Variants in ATE1 observed in about 807,000 individuals in gnomAD.
ATE1 encodes arginyltransferase 1.
In ATE1, 36 loss-of-function variants were observed where a neutral mutation model predicts 70.5. The observed-to-expected ratio is 0.51, with a 90% CI of 0.39 to 0.67. ATE1 has a LOEUF of 0.67. ATE1 is among the 30% of genes least tolerant of loss of function. ATE1 has a pLI of 0.00. For synonymous variants in ATE1, 232 were observed against 219.3 expected (o/e 1.06, Z -0.51); for missense variants, 593 against 629.5 (o/e 0.94, Z 0.62).
intron 11 of ATE1, among the ~76,000 whole-genome samples, chr10:121,761,504 G>A (rs148450765): frequency 1.3e-5 from 2 of 152,026 alleles, no homozygotes; most frequent in Non-Finnish European, 2.9e-5. Context: ...GCACTTAATA[G>A]ACTACAGCAT....
At chr10:121,793,258 A>G (rs1946526246) in intron 10 of ATE1, among the ~76,000 whole-genome samples, 1 of 152,224 alleles carries the variant, frequency 6.6e-6, no homozygotes, top group Non-Finnish European at 1.5e-5. Context: ...TTTTAAAAAG[A>G]CGGAAGAAAC....
rs201431792 is a variant in ATE1, at chr10:121,841,088, G to A, written c.1151C>T (p.Ala384Val). ...YSFLSLGVYSALREIAFTRQL... is the reference protein window; with the variant it reads ...YSFLSLGVYSVLREIAFTRQL... ...CGGCAAAAAGCAATCTTACCGTAGTGCAGAGTAGACGCCCAAAGACAAAAA... is the reference window on the plus strand; with the variant it reads ...CGGCAAAAAGCAATCTTACCGTAGTACAGAGTAGACGCCCAAAGACAAAAA... Residue 384 changes from alanine to valine, a missense_variant, in exon 9 of 12, where the codon GCA becomes GTA. This residue lies in a region of ATE1 where 467 missense variants were observed against 469.6 expected (regional missense o/e 0.99). Coordinates refer to ENST00000224652, the MANE Select transcript of ATE1 (RefSeq NM_001001976.3). 2.1e-5 allele frequency: 33 copies of A among 1,555,000 alleles called. No individual in the cohort carries two copies. The highest frequency in any genetic ancestry group is 2.7e-5 in the Non-Finnish European group (31 of 1,144,884).
intron 9 of ATE1, among the ~76,000 whole-genome samples, chr10:121,838,487 T>A (rs1948512221): frequency 6.6e-6 from 1 of 152,194 alleles, no homozygotes; most frequent in Admixed American, 6.5e-5. Flanking sequence ...TAACCTTCAC[T>A]TGAACTTCTT....
At chr10:121,827,050 T>C (rs1948050135) in intron 10 of ATE1, among the ~76,000 whole-genome samples, 1 of 151,748 alleles carries the variant, frequency 6.6e-6, no homozygotes, top group Non-Finnish European at 1.5e-5. Context: ...AGTCTCTCTC[T>C]GTCGCCAGGC....
intron 10 of ATE1, among the ~76,000 whole-genome samples, chr10:121,828,681 C>A (rs917938408): frequency 3.3e-5 from 5 of 152,154 alleles, no homozygotes; most frequent in African/African-American, 9.7e-5. Context: ...ATGGGTGGAG[C>A]AGCATGCACA....
At chr10:121,756,789 A>G (rs1944821175) in intron 11 of ATE1, among the ~76,000 whole-genome samples, 1 of 152,210 alleles carries the variant, frequency 6.6e-6, no homozygotes. Flanking sequence ...CCCTGGGCCC[A>G]GCCCATAAAA....
intron 1 of ATE1, chr10:121,926,861 C>T (rs1228949107): frequency 1.0e-6 from 1 of 984,926 alleles, no homozygotes; most frequent in Non-Finnish European, 1.2e-6. Context: ...TCCATTTAGT[C>T]TTCATAATCC....
intron 1 of ATE1, chr10:121,926,794 A>G (rs1952110550): frequency 2.0e-6 from 2 of 985,348 alleles, no homozygotes; most frequent in Admixed American, 6.1e-5. Flanking sequence ...ATCATGTCGC[A>G]TAAGCCATTT....
chr10:121,817,221 C>T (rs1947578614), intron 10 of ATE1, among the ~76,000 whole-genome samples: 1 of 152,198 alleles, frequency 6.6e-6, no homozygotes, highest in South Asian at 2.1e-4. Context: ...TGAACATTTA[C>T]CATAAATCAG....
intron 10 of ATE1, among the ~76,000 whole-genome samples, chr10:121,819,305 C>T (rs1947688104): frequency 6.6e-6 from 1 of 152,178 alleles, no homozygotes; most frequent in Non-Finnish European, 1.5e-5. Context: ...AAAGATAACG[C>T]ATACTCATCT....
rs74158455 is a variant in ATE1, at chr10:121,803,716, C to T, written c.1258-13427G>A. 8.1e-3 allele frequency among the ~76,000 whole-genome samples: 1,236 copies of T among 152,254 alleles called. 16 individuals carry two copies. The highest frequency in any genetic ancestry group is 0.028 in the African/African-American group (1,146 of 41,548). On this transcript the variant is annotated intron_variant, in intron 10 of 11. Transcript: ENST00000224652. Reference sequence around the variant, plus strand: ...TAACTAATCATATCTCTATCTGGAGCCATGATTTTTTCCAGAATATGAAAA... The same window carrying T: ...TAACTAATCATATCTCTATCTGGAGTCATGATTTTTTCCAGAATATGAAAA...
chr10:121,788,045 G>A (rs1374280292), intron 11 of ATE1, among the ~76,000 whole-genome samples: 1 of 152,190 alleles, frequency 6.6e-6, no homozygotes, highest in East Asian at 1.9e-4. Context: ...AGTTTTATAT[G>A]TGAATATGAA....
At chr10:121,753,265 T>C (rs1944661854) in intron 11 of ATE1, among the ~76,000 whole-genome samples, 1 of 152,224 alleles carries the variant, frequency 6.6e-6, no homozygotes, top group Non-Finnish European at 1.5e-5. Context: ...ATAGAGACAG[T>C]GTTTCTTCTT....
intron 10 of ATE1, among the ~76,000 whole-genome samples, chr10:121,797,485 C>T (rs1486025684): frequency 6.6e-6 from 1 of 152,102 alleles, no homozygotes; most frequent in East Asian, 1.9e-4. Flanking sequence ...AGCAGTCACT[C>T]CACATCCCCT....
chr10:121,774,939 T>C (rs1945673517), intron 11 of ATE1, among the ~76,000 whole-genome samples: 1 of 152,186 alleles, frequency 6.6e-6, no homozygotes, highest in African/African-American at 2.4e-5. Context: ...ATAAGCACGG[T>C]ATTTCAGTCT....
intron 5 of ATE1, among the ~76,000 whole-genome samples, chr10:121,905,415 C>T (rs1396731631): frequency 1.3e-5 from 2 of 152,146 alleles, no homozygotes; most frequent in Non-Finnish European, 2.9e-5. Flanking sequence ...AACTAAGAAA[C>T]ACACATTTTC....
intron 7 of ATE1, among the ~76,000 whole-genome samples, chr10:121,888,277 C>T (rs753177030): frequency 1.4e-4 from 21 of 151,982 alleles, no homozygotes; most frequent in Non-Finnish European, 2.2e-4. Context: ...GCCTGGAGTC[C>T]GAGCTACTCG....
At chr10:121,909,683 AAAT>A (rs1951344554) in intron 5 of ATE1, among the ~76,000 whole-genome samples, 1 of 152,206 alleles carries the variant, frequency 6.6e-6, no homozygotes. Context: ...TTTTATTAAA[AAAT>A]AATAAAAGAA....
At chr10:121,844,925 G>A (rs1417597937) in intron 8 of ATE1, among the ~76,000 whole-genome samples, 2 of 151,764 alleles carry the variant, frequency 1.3e-5, no homozygotes, top group Non-Finnish European at 2.9e-5. Flanking sequence ...AAAAAAGAAG[G>A]TTTGTGGCAA....
Sources: allele counts gnomAD v4.1 joint callset (sites outside exome capture counted in the v4.1 genomes callset), GRCh38; gene constraint gnomAD v4.1.1; regional missense constraint gnomAD v4.1.1; transcripts MANE v1.5; gene names NCBI Gene and HGNC (gene_info 2026-07-23, HGNC 2026-07-21).